Variants in MAGI2 observed in about 807,000 individuals in gnomAD.
MAGI2 encodes the protein membrane associated guanylate kinase, WW and PDZ domain containing 2.
Under a neutral mutation model 133.3 loss-of-function variants are expected in MAGI2, and 35 were observed. The observed-to-expected ratio is 0.26, with a 90% CI of 0.20 to 0.35. The LOEUF is 0.35. MAGI2 is among the 10% of genes least tolerant of loss of function. MAGI2 has a pLI of 1.00. For missense variants in MAGI2, 1,636 were observed against 1,863.4 expected, an observed-to-expected ratio of 0.88 and a Z score of 2.25; for synonymous variants, 729 against 710.6, an observed-to-expected ratio of 1.03 and a Z score of -0.41.
At chr7:79,135,995 G>GA (rs1400952050) in intron 1 of MAGI2, among the ~76,000 whole-genome samples, 1 of 37,354 alleles carries the variant, frequency 2.7e-5, no homozygotes, top group Non-Finnish European at 1.0e-4. Context: ...AAGAAAGAAA[G>GA]AAAGAAAGAG....
At chr7:78,394,100 G>A (rs1200867488) in intron 6 of MAGI2, among the ~76,000 whole-genome samples, 3 of 152,114 alleles carry the variant, frequency 2.0e-5, no homozygotes, top group Non-Finnish European at 4.4e-5. Context: ...CAGGAGTTCT[G>A]ATGTCTGAGG....
At chr7:78,818,913 A>T (rs1275981882) in intron 2 of MAGI2, among the ~76,000 whole-genome samples, 1 of 152,182 alleles carries the variant, frequency 6.6e-6, no homozygotes, top group African/African-American at 2.4e-5. Context: ...AGAACACTAC[A>T]AAACTTAACT....
chr7:78,655,454 C>CAAAAAAAAAAAAAAAAAAAAAACAACAAA, intron 2 of MAGI2, among the ~76,000 whole-genome samples: 2 of 64,948 alleles, frequency 3.1e-5, no homozygotes, highest in Non-Finnish European at 2.8e-5. Context: ...AAAAAACAAC[C>CAAAAAAAAAAAAAAAAAAAAAACAACAAA]AAAAAAAAAA....
intron 3 of MAGI2, among the ~76,000 whole-genome samples, chr7:78,548,694 T>TCAAAA (rs918493664): frequency 1.3e-5 from 2 of 152,280 alleles, no homozygotes; most frequent in East Asian, 1.9e-4. Context: ...AAACTCCGTC[T>TCAAAA]CAAAACAAAA....
chr7:78,681,887 A>T (rs1424229273), intron 2 of MAGI2, among the ~76,000 whole-genome samples: 1 of 152,156 alleles, frequency 6.6e-6, no homozygotes, highest in African/African-American at 2.4e-5. Context: ...TCAGAATCAC[A>T]ACCTTTATAT....
At chr7:78,063,235 TTTTTCTTTTC>T (rs143933295) in intron 21 of MAGI2, among the ~76,000 whole-genome samples, 88,419 of 151,082 alleles carry the variant, frequency 0.59, 26,807 homozygotes, top group East Asian at 0.73. Flanking sequence ...AGAAGGTATT[TTTTTCTTTTC>T]TTTTCTTTTC....
At chr7:78,704,779 T>TTTTTTTTTTTTCC (rs1818447492) in intron 2 of MAGI2, among the ~76,000 whole-genome samples, 4 of 114,680 alleles carry the variant, frequency 3.5e-5, no homozygotes, top group South Asian at 2.7e-4. Context: ...GCCATTATTC[T>TTTTTTTTTTTTCC]TTTTTTTTTT....
At chr7:78,929,355 TA>T (rs1443773145) in intron 2 of MAGI2, among the ~76,000 whole-genome samples, 2 of 152,074 alleles carry the variant, frequency 1.3e-5, no homozygotes, top group Non-Finnish European at 2.9e-5. Flanking sequence ...CAACTTACTA[TA>T]AAAAGGCTGT....
At chr7:78,360,687 A>G (rs184015052) in intron 7 of MAGI2, among the ~76,000 whole-genome samples, 1 of 152,322 alleles carries the variant, frequency 6.6e-6, no homozygotes, top group East Asian at 1.9e-4. Flanking sequence ...CCTAGCAATG[A>G]GCTACCTGGG....
chr7:79,124,820 CT>C (rs1820256901), intron 1 of MAGI2: 1 of 173,132 alleles, frequency 5.8e-6, no homozygotes, highest in Non-Finnish European at 1.2e-5. Flanking sequence ...CCATGAGAAT[CT>C]GAGGATCCAT....
At chr7:79,304,037 G>C (rs1371616675) in intron 1 of MAGI2, among the ~76,000 whole-genome samples, 1 of 152,142 alleles carries the variant, frequency 6.6e-6, no homozygotes, top group African/African-American at 2.4e-5. Flanking sequence ...GAGGCTGAGA[G>C]AGGGACAGAA....
rs143649560 is a variant in MAGI2 at position 78,107,329 on chromosome 7, C to T, written c.3567+18365G>A. On this transcript the variant is annotated intron_variant, in intron 20 of 21. Transcript: ENST00000354212. Reference sequence around the variant, plus strand: ...TTGTTCAGGATGGCTTTTGCCTACTCTAGGTCTTTTGTGATTCAGTATAAA... The same window carrying T: ...TTGTTCAGGATGGCTTTTGCCTACTTTAGGTCTTTTGTGATTCAGTATAAA... 5.9e-5 allele frequency among the ~76,000 whole-genome samples: 9 copies of T among 152,194 alleles called. No individual in the cohort carries two copies. The East Asian group carries it at 1.2e-3, about 20-fold the overall frequency.
chr7:78,837,468 A>G (rs1200021692), intron 2 of MAGI2, among the ~76,000 whole-genome samples: 1 of 152,098 alleles, frequency 6.6e-6, no homozygotes. Flanking sequence ...TATGGAAGAT[A>G]GAACGAAAAT....
At chr7:79,367,908 A>G (rs1716060398) in intron 1 of MAGI2, among the ~76,000 whole-genome samples, 1 of 113,402 alleles carries the variant, frequency 8.8e-6, no homozygotes, top group South Asian at 2.9e-4. Flanking sequence ...TTCAGAATTC[A>G]TATCTACTTC....
chr7:79,052,770 T>C (rs1047466333), intron 1 of MAGI2, among the ~76,000 whole-genome samples: 1 of 152,180 alleles, frequency 6.6e-6, no homozygotes, highest in Admixed American at 6.5e-5. Flanking sequence ...TGCTAATTTC[T>C]TCTTATAACT....
intron 3 of MAGI2, among the ~76,000 whole-genome samples, chr7:78,584,894 A>G (rs763441063): frequency 6.6e-5 from 10 of 152,216 alleles, no homozygotes; most frequent in Non-Finnish European, 1.3e-4. Context: ...TAAAATGAAG[A>G]TAATAATATG....
chr7:79,063,400 G>A (rs1263221369), intron 1 of MAGI2, among the ~76,000 whole-genome samples: 1 of 152,038 alleles, frequency 6.6e-6, no homozygotes, highest in African/African-American at 2.4e-5. Context: ...TATGTCAAAA[G>A]GATTACATTA....
At chr7:79,168,909 TATATATATATATATATATATATATA>T (rs1825234698) in intron 1 of MAGI2, among the ~76,000 whole-genome samples, 1 of 9,948 alleles carries the variant, frequency 1.0e-4, no homozygotes, top group African/African-American at 1.7e-4. Context: ...TATATATATA[TATATATATATATATATATATATATA>T]AATTTTTTTT....
At chr7:78,717,148 T>G (rs998473097) in intron 2 of MAGI2, among the ~76,000 whole-genome samples, 2 of 152,066 alleles carry the variant, frequency 1.3e-5, no homozygotes, top group East Asian at 3.9e-4. Flanking sequence ...GAAAGGAGGC[T>G]CCTGCGCTCG....
Sources: allele counts gnomAD v4.1 joint callset (sites outside exome capture counted in the v4.1 genomes callset), GRCh38; gene constraint gnomAD v4.1.1; transcripts MANE v1.5; gene names NCBI Gene and HGNC (gene_info 2026-07-23, HGNC 2026-07-21).